The following NSUN3 variants were observed in gnomAD, a reference collection of about 807,000 sequenced individuals.
NSUN3 encodes the protein tRNA (cytosine(34)-C(5))-methyltransferase, mitochondrial.
NSUN3 carries 24 observed loss-of-function variants against 36.8 expected under a neutral mutation model. The ratio of observed to expected loss-of-function variants is 0.65; its 90% CI spans 0.47 to 0.92. The LOEUF is 0.92. NSUN3 is among the 40% of genes least tolerant of loss of function. The pLI is 0.00. For missense variants in NSUN3, 381 were observed against 392.8 expected (o/e 0.97, Z 0.25); for synonymous variants, 146 against 145.2 (o/e 1.01, Z -0.04).
At position 94,089,445 on chromosome 3, in the gene NSUN3, G is replaced by A. The variant is rs189338774; in HGVS notation, c.467-4695G>A. On this transcript the variant is annotated intron_variant, in intron 3 of 5. Transcript: ENST00000314622. ...TAAAAACATTTGAAATTGGTAATCA[G>A]CTTCCAATAAAATCTCAGGAATTAG... 3.5e-3 allele frequency among the ~76,000 whole-genome samples: 537 copies of A among 152,300 alleles called. 5 individuals are homozygous for A. Among genetic ancestry groups the A allele is most frequent in the African/African-American group, 0.012 (495 of 41,562 alleles).
chr3:94,093,917 A>G (rs1024103846), intron 3 of NSUN3, among the ~76,000 whole-genome samples: 3 of 152,200 alleles, frequency 2.0e-5, no homozygotes, highest in Non-Finnish European at 4.4e-5. Context: ...TGTAGGCATG[A>G]CTGTTGTAAA....
In NSUN3 at chr3:94,127,632, AG is replaced by A. The variant is rs1164152606; in HGVS notation, c.*1143del. On this transcript the variant is annotated 3_prime_UTR_variant, in exon 6 of 6. Coordinates refer to ENST00000314622, the MANE Select transcript of NSUN3 (RefSeq NM_022072.5). ...TACAAACATATTTTTCCAACTATTAAGAAAAATTATGCAGCACATCTCAAAA... is the reference window on the plus strand; with the variant it reads ...TACAAACATATTTTTCCAACTATTAAAAAAATTATGCAGCACATCTCAAAA... The A allele has an allele frequency of 6.6e-6, 1 of 152,196 alleles. No individual in the cohort carries two copies. The highest frequency in any genetic ancestry group is 1.5e-5 in the Non-Finnish European group (1 of 68,046). The allele number at this position is 152,196 out of a possible 1,614,324, so 9.4% of individuals were successfully genotyped here. A position where few individuals can be genotyped will look rare whatever the true frequency, so the allele number is the denominator to read the frequency against.
chr3:94,066,136 C>T (rs2077203554), intron 2 of NSUN3, among the ~76,000 whole-genome samples: 1 of 150,350 alleles, frequency 6.7e-6, no homozygotes, highest in Non-Finnish European at 1.5e-5. Flanking sequence ...CCTATAATGA[C>T]TTATTTTTCT....
chr3:94,095,184 T>G (rs770468536), intron 5 of NSUN3, 30 bp downstream of exon 5: 16 of 1,605,584 alleles, frequency 1.0e-5, no homozygotes, highest in Non-Finnish European at 1.4e-5. Context: ...AAGTGTATTT[T>G]GGTGTCTGAT....
At chr3:94,116,985 CTTTTTTTTTTTTTT>C (rs60234250) in intron 5 of NSUN3, among the ~76,000 whole-genome samples, 2 of 64,004 alleles carry the variant, frequency 3.1e-5, no homozygotes, top group Non-Finnish European at 5.5e-5. Flanking sequence ...TCTGCCACAA[CTTTTTTTTTTTTTT>C]TTTTTTTTTT....
intron 5 of NSUN3, among the ~76,000 whole-genome samples, chr3:94,100,778 C>T (rs1294945038): frequency 6.6e-6 from 1 of 151,884 alleles, no homozygotes; most frequent in African/African-American, 2.4e-5. Context: ...GGTATTTATG[C>T]CCTTTATGAC....
intron 2 of NSUN3, among the ~76,000 whole-genome samples, chr3:94,068,692 A>G (rs2077214268): frequency 6.6e-6 from 1 of 152,112 alleles, no homozygotes; most frequent in South Asian, 2.1e-4. Context: ...CAAAACAAAC[A>G]GACCATATAA....
chr3:94,128,542 A>G lies in NSUN3; in HGVS notation c.*2052A>G, dbSNP rs2077496991. The G allele has an allele frequency of 6.9e-6, 1 of 145,606 alleles. No homozygotes were observed. Among genetic ancestry groups the G allele is most frequent in the Admixed American group, 7.1e-5 (1 of 14,040 alleles). 9.0% of individuals were successfully genotyped at this position (145,606 alleles called of 1,614,324 possible). ...GAATTTACTTTCCTATGATTACTGA[A>G]AAATGGATGCACGTGTGTGTGTGTG... On this transcript the variant is annotated 3_prime_UTR_variant, in exon 6 of 6. Coordinates refer to ENST00000314622, the MANE Select transcript of NSUN3 (RefSeq NM_022072.5).
chr3:94,080,853 TGGGACC>T (rs2077265635), intron 2 of NSUN3, among the ~76,000 whole-genome samples: 2 of 152,218 alleles, frequency 1.3e-5, no homozygotes, highest in South Asian at 4.1e-4. Flanking sequence ...TCCATGGGGG[TGGGACC>T]TGCTGAGCAA....
chr3:94,106,208 A>G (rs2077388079), intron 5 of NSUN3, among the ~76,000 whole-genome samples: 1 of 152,168 alleles, frequency 6.6e-6, no homozygotes, highest in Non-Finnish European at 1.5e-5. Context: ...GTACTTTATA[A>G]GAAATATTGA....
At chr3:94,115,470 A>G (rs1240119769) in intron 5 of NSUN3, among the ~76,000 whole-genome samples, 1 of 152,208 alleles carries the variant, frequency 6.6e-6, no homozygotes, top group Non-Finnish European at 1.5e-5. Context: ...ATCATAGTAT[A>G]TTGGGGCTGT....
intron 5 of NSUN3, among the ~76,000 whole-genome samples, chr3:94,120,091 T>G (rs781062550): frequency 5.9e-5 from 9 of 152,254 alleles, no homozygotes; most frequent in Non-Finnish European, 1.2e-4. Context: ...TATGTACTTT[T>G]GTACAGCTTT....
At chr3:94,108,254 T>A (rs1480152505) in intron 5 of NSUN3, among the ~76,000 whole-genome samples, 1 of 152,222 alleles carries the variant, frequency 6.6e-6, no homozygotes, top group Non-Finnish European at 1.5e-5. Flanking sequence ...AGAACTCTAT[T>A]CAGAATTTTT....
intron 5 of NSUN3, among the ~76,000 whole-genome samples, chr3:94,104,885 G>C (rs2077382303): frequency 6.6e-6 from 1 of 152,130 alleles, no homozygotes; most frequent in Admixed American, 6.5e-5. Context: ...GATACTTTAA[G>C]CGTTTCATTA....
At chr3:94,114,577 A>G (rs567194394) in intron 5 of NSUN3, among the ~76,000 whole-genome samples, 2 of 152,254 alleles carry the variant, frequency 1.3e-5, no homozygotes, top group Admixed American at 1.3e-4. Context: ...TCTTTTATTC[A>G]GGAAGATTCT....
chr3:94,119,484 G>A (rs183521075), intron 5 of NSUN3, among the ~76,000 whole-genome samples: 1 of 152,296 alleles, frequency 6.6e-6, no homozygotes, highest in African/African-American at 2.4e-5. Flanking sequence ...TTCCACCTCA[G>A]ATCATCAGGC....
chr3:94,099,861 A>G (rs1174762565), intron 5 of NSUN3, among the ~76,000 whole-genome samples: 1 of 151,586 alleles, frequency 6.6e-6, no homozygotes, highest in Non-Finnish European at 1.5e-5. Context: ...TTTTATCACT[A>G]TCTCACTACC....
At chr3:94,110,527 A>C (rs962118893) in intron 5 of NSUN3, among the ~76,000 whole-genome samples, 5 of 152,076 alleles carry the variant, frequency 3.3e-5, no homozygotes, top group Non-Finnish European at 5.9e-5. Flanking sequence ...AATCCCTCAG[A>C]TCTTTCCTGA....
chr3:94,076,131 CT>C, intron 2 of NSUN3: 3 of 1,374,012 alleles, frequency 2.2e-6, no homozygotes, highest in Non-Finnish European at 2.1e-6. Context: ...GATTGTTCCT[CT>C]CCAATTTTAC....
Sources: gnomAD v4.1 joint callset for allele counts (sites outside exome capture counted in the v4.1 genomes callset) on GRCh38, gnomAD v4.1.1 for gene constraint, MANE v1.5 for transcripts, NCBI Gene and HGNC (gene_info 2026-07-23, HGNC 2026-07-21) for gene names.